PAM: variants seen among roughly 807,000 people sequenced by gnomAD.
PAM encodes peptidylglycine alpha-amidating monooxygenase.
PAM carries 72 observed loss-of-function variants against 122.1 expected under a neutral mutation model. The ratio of observed to expected loss-of-function variants is 0.59; its 90% CI spans 0.49 to 0.72. The LOEUF (loss-of-function observed/expected upper bound fraction) is 0.72, where lower values mean the gene tolerates loss of function less well. Ranked by LOEUF, PAM falls within the 30% of genes least tolerant of loss-of-function variation. The pLI, the probability that PAM is intolerant of heterozygous loss-of-function variation, is 0.00. For missense variants in PAM, 1,106 were observed against 1,183.7 expected, an observed-to-expected ratio of 0.93 and a Z score of 0.96; for synonymous variants, 389 against 404.4, an observed-to-expected ratio of 0.96 and a Z score of 0.46.
At chr5:102,816,586 C>G (rs993569748) in intron 1 of PAM, among the ~76,000 whole-genome samples, 1 of 152,100 alleles carries the variant, frequency 6.6e-6, no homozygotes, top group Non-Finnish European at 1.5e-5. Context: ...AGTGCTCTGT[C>G]CTCCGCTGAC....
intron 1 of PAM, among the ~76,000 whole-genome samples, chr5:102,784,790 GC>G (rs1760046959): frequency 6.6e-6 from 1 of 152,142 alleles, no homozygotes; most frequent in Non-Finnish European, 1.5e-5. Context: ...GGGAATACAT[GC>G]TTTTAGATAG....
At chr5:103,022,582 A>C (rs2151316637) in intron 23 of PAM, among the ~76,000 whole-genome samples, 1 of 152,238 alleles carries the variant, frequency 6.6e-6, no homozygotes, top group Non-Finnish European at 1.5e-5. Context: ...ATCTATAGAG[A>C]TGCTACAAGG....
chr5:102,827,044 C>A (rs909934346), intron 1 of PAM, among the ~76,000 whole-genome samples: 1 of 152,104 alleles, frequency 6.6e-6, no homozygotes, highest in African/African-American at 2.4e-5. Flanking sequence ...TATTTAAAAA[C>A]CTTCTGAACC....
rs1464307885 is a variant in PAM at position 102,867,325 on chromosome 5, C to T, written c.142C>T (p.Pro48Ser). 6.2e-7 allele frequency: 1 copy of T among 1,603,506 alleles called. No individual in the cohort carries two copies. The highest frequency in any genetic ancestry group is 8.5e-7 in the Non-Finnish European group (1 of 1,170,596). Residue 48 changes from proline to serine, a missense_variant, in exon 3 of 26, where the codon CCC (proline) becomes TCC (serine). Around this residue, in one of 3 missense-constraint regions of PAM, gnomAD observed 670 missense variants for 690.3 expected, o/e 0.97. Transcript: ENST00000438793. ...CAATGAATGTCTTGGTACCACCAGA[C>T]CCGTAGTTCCTATTGATTCATCAGA... ...FSNECLGTTR[P>S]VVPIDSSDFA... is the part of the protein sequence containing the mutation.
At chr5:102,826,800 G>C (rs1269502445) in intron 1 of PAM, among the ~76,000 whole-genome samples, 1 of 152,146 alleles carries the variant, frequency 6.6e-6, no homozygotes, top group Non-Finnish European at 1.5e-5. Context: ...TGTCTGCTAG[G>C]TTAGGAAGTT....
At chr5:102,944,290 T>G (rs1400055751) in intron 7 of PAM, among the ~76,000 whole-genome samples, 1 of 152,026 alleles carries the variant, frequency 6.6e-6, no homozygotes, top group East Asian at 1.9e-4. Flanking sequence ...CTATGAAAAA[T>G]CTTTTTAACA....
chr5:102,906,946 G>C (rs1330164372), intron 4 of PAM, among the ~76,000 whole-genome samples: 1 of 151,642 alleles, frequency 6.6e-6, no homozygotes, highest in Non-Finnish European at 1.5e-5. Flanking sequence ...TGCATAGCTT[G>C]GCTGATGAAG....
chr5:102,943,697 A>G (rs374136766), intron 7 of PAM, among the ~76,000 whole-genome samples: 83 of 152,286 alleles, frequency 5.5e-4, no homozygotes, highest in African/African-American at 1.9e-3. Flanking sequence ...TTCCCTATCC[A>G]TAAAGTGTAA....
At chr5:102,969,561 T>A (rs770277366) in intron 14 of PAM, among the ~76,000 whole-genome samples, 1 of 152,090 alleles carries the variant, frequency 6.6e-6, no homozygotes, top group South Asian at 2.1e-4. Flanking sequence ...GAGGGAAAAG[T>A]TGATGTTGCA....
chr5:102,970,193 A>G (rs1301024361), intron 14 of PAM, among the ~76,000 whole-genome samples: 5 of 152,236 alleles, frequency 3.3e-5, no homozygotes, highest in African/African-American at 4.8e-5. Context: ...AGGAAGAATG[A>G]ATCAGCAAGT....
At chr5:102,860,169 G>C (rs941901292) in intron 1 of PAM, among the ~76,000 whole-genome samples, 11 of 152,186 alleles carry the variant, frequency 7.2e-5, no homozygotes, top group Non-Finnish European at 1.5e-4. Flanking sequence ...ATTGAGGAAG[G>C]GTGGCCTGGC....
At chr5:102,926,729 GCACAAACTATTATCTA>G in intron 7 of PAM, 61 bp downstream of exon 7, 1 of 834,746 alleles carries the variant, frequency 1.2e-6, no homozygotes, top group Non-Finnish European at 2.0e-6. Context: ...TAAAATACAT[GCACAAACTATTATCTA>G]CATCTTAAAA....
intron 1 of PAM, among the ~76,000 whole-genome samples, chr5:102,821,976 C>T (rs1163352351): frequency 6.6e-6 from 1 of 152,142 alleles, no homozygotes; most frequent in Admixed American, 6.5e-5. Flanking sequence ...GTTATACATA[C>T]ATTTAAGAAA....
intron 1 of PAM, among the ~76,000 whole-genome samples, chr5:102,858,975 A>C (rs992148039): frequency 6.6e-6 from 1 of 150,934 alleles, no homozygotes; most frequent in Non-Finnish European, 1.5e-5. Flanking sequence ...TGCATTACTC[A>C]TGTGTTTGTG....
At chr5:102,983,977 G>A (rs936546392) in intron 15 of PAM, among the ~76,000 whole-genome samples, 1 of 152,100 alleles carries the variant, frequency 6.6e-6, no homozygotes, top group Admixed American at 6.5e-5. Flanking sequence ...GAATTCATTC[G>A]CATTAGAACA....
chr5:102,971,285 G>A (rs1487837594), intron 14 of PAM, among the ~76,000 whole-genome samples: 1 of 152,106 alleles, frequency 6.6e-6, no homozygotes, highest in East Asian at 1.9e-4. Context: ...GATATGTACT[G>A]GACTGGGTAT....
intron 15 of PAM, chr5:102,989,789 T>TGTTAGATTA (rs1773408985): frequency 1.4e-5 from 2 of 145,376 alleles, no homozygotes; most frequent in Admixed American, 1.4e-4. Context: ...ACTCAGGAGA[T>TGTTAGATTA]GATAGATTAG....
chr5:103,027,663 A>C (rs2151400522), intron 24 of PAM, among the ~76,000 whole-genome samples: 1 of 152,324 alleles, frequency 6.6e-6, no homozygotes, highest in East Asian at 1.9e-4. Flanking sequence ...AGAAGAAACG[A>C]TATACATGGA....
intron 21 of PAM, among the ~76,000 whole-genome samples, chr5:103,011,913 A>G (rs1052694066): frequency 6.6e-6 from 1 of 152,082 alleles, no homozygotes; most frequent in East Asian, 1.9e-4. Flanking sequence ...CCACATCCTC[A>G]TCAGCATTTG....
Sources: allele counts gnomAD v4.1 joint callset (sites outside exome capture counted in the v4.1 genomes callset), GRCh38; gene constraint gnomAD v4.1.1; regional missense constraint gnomAD v4.1.1; transcripts MANE v1.5; gene names NCBI Gene and HGNC (gene_info 2026-07-23, HGNC 2026-07-21).